The following ATP6V0D2 variants were observed in gnomAD, a reference collection of about 807,000 sequenced individuals.
ATP6V0D2 encodes the protein V-type proton ATPase subunit d 2.
Under a neutral mutation model 40.0 loss-of-function variants are expected in ATP6V0D2, and 40 were observed. That is an observed-to-expected ratio of 1.00 (90% CI 0.78 to 1.30). ATP6V0D2 has a LOEUF of 1.30. Among genes scored for constraint, ATP6V0D2 ranks in the 50% most tolerant of loss-of-function variants. The probability of loss-of-function intolerance (pLI) is 0.00; values close to 1 mark genes in which losing one functional copy is unlikely to be tolerated. For synonymous variants in ATP6V0D2, 179 were observed against 156.3 expected (o/e 1.15, Z -1.08); for missense variants, 470 against 423.1 (o/e 1.11, Z -0.97).
At chr8:86,138,550 A>G (rs1818927397) in intron 2 of ATP6V0D2, among the ~76,000 whole-genome samples, 1 of 152,212 alleles carries the variant, frequency 6.6e-6, no homozygotes, top group Non-Finnish European at 1.5e-5. Flanking sequence ...TATACCAAAT[A>G]AAGAAATCAC....
At position 86,149,066 on chromosome 8, in the gene ATP6V0D2, A is replaced by AAAAC. The variant is rs1554590224; in HGVS notation, c.640-1043_640-1042insCAAA. 9.6e-4 allele frequency among the ~76,000 whole-genome samples: 144 copies of AAAAC among 149,872 alleles called. 2 individuals are homozygous for AAAAC. The highest frequency in any genetic ancestry group is 1.9e-3 in the Non-Finnish European group (128 of 67,372). The stretch of plus-strand genomic sequence containing the variant: ...AATCTCCAAAGGAAGAAAAAAAAAA[A>AAAAC]AAAAAAAAACCAATGAACAAGAAAG... On this transcript the variant is annotated intron_variant, in intron 5 of 7. Coordinates refer to ENST00000285393, the MANE Select transcript of ATP6V0D2 (RefSeq NM_152565.1).
At chr8:86,107,022 C>A (rs578107612) in intron 1 of ATP6V0D2, among the ~76,000 whole-genome samples, 2 of 89,296 alleles carry the variant, frequency 2.2e-5, no homozygotes, top group African/African-American at 9.7e-5. Context: ...GGTGACACAG[C>A]AAGAATCTGT....
chr8:86,112,460 G>T (rs1818538263), intron 1 of ATP6V0D2, among the ~76,000 whole-genome samples: 1 of 152,062 alleles, frequency 6.6e-6, no homozygotes, highest in Non-Finnish European at 1.5e-5. Flanking sequence ...TAACCTCTCT[G>T]AGCTTCAGTG....
intron 2 of ATP6V0D2, among the ~76,000 whole-genome samples, chr8:86,125,045 T>C (rs562251791): frequency 2.6e-5 from 4 of 152,264 alleles, no homozygotes; most frequent in African/African-American, 9.6e-5. Flanking sequence ...TAGGTGGACA[T>C]GGCTGGAGAG....
chr8:86,146,163 T>C (rs1483849006), intron 5 of ATP6V0D2, among the ~76,000 whole-genome samples: 3 of 152,204 alleles, frequency 2.0e-5, no homozygotes, highest in Non-Finnish European at 4.4e-5. Flanking sequence ...GATCATATTG[T>C]GTACTATAAA....
chr8:86,115,007 A>G (rs951161903), intron 2 of ATP6V0D2, among the ~76,000 whole-genome samples: 9 of 152,330 alleles, frequency 5.9e-5, no homozygotes, highest in African/African-American at 2.2e-4. Flanking sequence ...AAGGGGAACA[A>G]AAGAACAGGA....
At chr8:86,112,344 A>G (rs1027359134) in intron 1 of ATP6V0D2, among the ~76,000 whole-genome samples, 21 of 152,208 alleles carry the variant, frequency 1.4e-4, no homozygotes, top group Non-Finnish European at 2.9e-5. Context: ...TGGCAATAAA[A>G]TAAAGTTTTA....
At chr8:86,131,390 A>C (rs901885871) in intron 2 of ATP6V0D2, among the ~76,000 whole-genome samples, 1 of 151,932 alleles carries the variant, frequency 6.6e-6, no homozygotes, top group East Asian at 1.9e-4. Context: ...TAGTAGAGAC[A>C]GGGTTTCACC....
chr8:86,138,366 C>A (rs1244520761), intron 2 of ATP6V0D2, among the ~76,000 whole-genome samples: 2 of 152,138 alleles, frequency 1.3e-5, no homozygotes, highest in African/African-American at 4.8e-5. Flanking sequence ...AGCATGTATG[C>A]CCTATTGTGA....
At chr8:86,105,776 G>A (rs1262653954) in intron 1 of ATP6V0D2, among the ~76,000 whole-genome samples, 4 of 151,522 alleles carry the variant, frequency 2.6e-5, no homozygotes, top group African/African-American at 7.3e-5. Flanking sequence ...CACCACGCCC[G>A]GCTAATTTTT....
chr8:86,130,378 G>A (rs1388112454), intron 2 of ATP6V0D2, among the ~76,000 whole-genome samples: 2 of 152,116 alleles, frequency 1.3e-5, no homozygotes, highest in African/African-American at 4.8e-5. Context: ...ATGTTAATGA[G>A]AAGAAACTGG....
At chr8:86,139,375 AAG>A in intron 2 of ATP6V0D2, 80 bp from the exon 3 acceptor site, 1 of 1,222,768 alleles carries the variant, frequency 8.2e-7, no homozygotes, top group African/African-American at 1.5e-5. Context: ...TGTGTACCTA[AAG>A]AGTGTGTGTT....
At position 86,121,459 on chromosome 8, in the gene ATP6V0D2, A is replaced by G. The variant is rs946743575; in HGVS notation, c.302+7579A>G. The stretch of plus-strand genomic sequence containing the variant: ...GGGGCGCATGCCTGTAGTCCTAGCT[A>G]CTTAGGAGGCTGAGGCGTGAGAATT... On this transcript the variant is annotated intron_variant, in intron 2 of 7. Transcript: ENST00000285393. Among the ~76,000 whole-genome samples the G allele has an allele frequency of 4.6e-5, 7 of 152,226 alleles. No individual in the cohort carries two copies. In the East Asian group the frequency reaches 1.4e-3, roughly 29 times the overall value.
At chr8:86,099,365 A>G (rs1313522163) in intron 1 of ATP6V0D2, among the ~76,000 whole-genome samples, 1 of 152,208 alleles carries the variant, frequency 6.6e-6, no homozygotes, top group Non-Finnish European at 1.5e-5. Context: ...AGTTGAGATA[A>G]GTAGTATCTG....
chr8:86,115,093 G>A (rs1211395585), intron 2 of ATP6V0D2, among the ~76,000 whole-genome samples: 2 of 152,132 alleles, frequency 1.3e-5, no homozygotes, highest in Non-Finnish European at 2.9e-5. Flanking sequence ...GAAACTGGGC[G>A]TTGGCTGTAT....
intron 2 of ATP6V0D2, among the ~76,000 whole-genome samples, chr8:86,132,014 A>G (rs72686768): frequency 0.14 from 20,910 of 152,090 alleles, 1,620 homozygotes; most frequent in Non-Finnish European, 0.18. Context: ...CTATATGTAT[A>G]TATACTAAAA....
At chr8:86,126,256 A>ATATATATATATATATC (rs1818743273) in intron 2 of ATP6V0D2, among the ~76,000 whole-genome samples, 1 of 134,484 alleles carries the variant, frequency 7.4e-6, no homozygotes, top group East Asian at 2.2e-4. Flanking sequence ...ATATATATAT[A>ATATATATATATATATC]TATATATCTT....
intron 1 of ATP6V0D2, among the ~76,000 whole-genome samples, chr8:86,107,411 A>T (rs1818482226): frequency 6.6e-6 from 1 of 152,196 alleles, no homozygotes; most frequent in Non-Finnish European, 1.5e-5. Context: ...AAGTTTCAAG[A>T]TCCTGACGCT....
chr8:86,134,555 A>G (rs1394685703), intron 2 of ATP6V0D2, among the ~76,000 whole-genome samples: 1 of 152,228 alleles, frequency 6.6e-6, no homozygotes, highest in Non-Finnish European at 1.5e-5. Flanking sequence ...CTTAAAAAGA[A>G]GTAAAGTTTT....
Sources: allele counts gnomAD v4.1 joint callset (sites outside exome capture counted in the v4.1 genomes callset), GRCh38; gene constraint gnomAD v4.1.1; transcripts MANE v1.5; gene names NCBI Gene and HGNC (gene_info 2026-07-23, HGNC 2026-07-21).